Variants in PDE10A observed in about 807,000 individuals in gnomAD.
PDE10A encodes the protein phosphodiesterase 10A.
A neutral mutation model predicts 97.7 loss-of-function variants in PDE10A; 39 were observed. That is an observed-to-expected ratio of 0.40 (90% CI 0.31 to 0.52). The LOEUF (loss-of-function observed/expected upper bound fraction) is 0.52. Ranked by LOEUF, PDE10A falls within the 20% of genes least tolerant of loss-of-function variation. PDE10A has a pLI of 0.56. For synonymous variants in PDE10A, 371 were observed against 376.8 expected (o/e 0.98, Z 0.18); for missense variants, 731 against 1,047.8 (o/e 0.70, Z 4.17).
intron 18 of PDE10A, among the ~76,000 whole-genome samples, chr6:165,347,711 T>G (rs1462874056): frequency 6.6e-6 from 1 of 152,182 alleles, no homozygotes; most frequent in African/African-American, 2.4e-5. Context: ...TCCCCACATT[T>G]CAGGTTCTTC....
chr6:165,787,461 T>C (rs1444518059), intron 1 of PDE10A, among the ~76,000 whole-genome samples: 3 of 152,144 alleles, frequency 2.0e-5, no homozygotes, highest in Non-Finnish European at 4.4e-5. Context: ...ATGGAAGGGA[T>C]GGATAAGCAA....
chr6:165,907,069 G>A lies in PDE10A; in HGVS notation c.-615+80460C>T, dbSNP rs377325617. Among the ~76,000 whole-genome samples the A allele has an allele frequency of 3.3e-5, 5 of 150,828 alleles. No homozygotes were observed. The South Asian group carries it at 1.0e-3, about 31-fold the overall frequency. On this transcript the variant is annotated intron_variant, in intron 1 of 19. Transcript: ENST00000366882. ...AATCACAGAGCAGGGCCTTGTGTTAGGAGGACTCCTCTGCATATTTTCAAC... is the reference window on the plus strand; with the variant it reads ...AATCACAGAGCAGGGCCTTGTGTTAAGAGGACTCCTCTGCATATTTTCAAC...
intron 1 of PDE10A, among the ~76,000 whole-genome samples, chr6:165,958,583 CA>C (rs1166311399): frequency 1.7e-3 from 7 of 4,040 alleles, no homozygotes; most frequent in African/African-American, 4.3e-3. Context: ...GAAAGAAAGA[CA>C]GAAAGAGAGA....
chr6:165,714,576 C>G (rs1043118882), intron 1 of PDE10A, among the ~76,000 whole-genome samples: 2 of 152,206 alleles, frequency 1.3e-5, no homozygotes, highest in Non-Finnish European at 2.9e-5. Flanking sequence ...GAGGGGATCC[C>G]CCTACTCGAA....
At position 165,687,627 on chromosome 6, in the gene PDE10A, T is replaced by G. The variant is rs142783600; in HGVS notation, c.-614-144059A>C. ...ACAAGCACACAATACGAAGACCAAC[T>G]AACATTTGTATAACGTGCCAAGCCT... On this transcript the variant is annotated intron_variant, in intron 1 of 19. Coordinates refer to the PDE10A transcript ENST00000366882. Among the ~76,000 whole-genome samples the G allele has an allele frequency of 4.7e-3, 715 of 152,320 alleles. 6 individuals are homozygous for G. Among genetic ancestry groups the G allele is most frequent in the Non-Finnish European group, 7.8e-3 (531 of 68,038 alleles).
At chr6:165,445,762 A>G (rs761150964) in intron 5 of PDE10A, among the ~76,000 whole-genome samples, 1 of 152,146 alleles carries the variant, frequency 6.6e-6, no homozygotes, top group Non-Finnish European at 1.5e-5. Flanking sequence ...ATGGTTTTGG[A>G]TTGGTAGTAC....
intron 1 of PDE10A, among the ~76,000 whole-genome samples, chr6:165,650,664 G>A (rs9365900): frequency 0.12 from 18,983 of 152,092 alleles, 1,573 homozygotes; most frequent in East Asian, 0.3. Context: ...ACAATACTAC[G>A]CCATATTCAT....
intron 20 of PDE10A, among the ~76,000 whole-genome samples, chr6:165,337,500 C>T (rs531400160): frequency 1.3e-5 from 2 of 152,316 alleles, no homozygotes; most frequent in Admixed American, 1.3e-4. Context: ...AACTTTATGG[C>T]TCATGCAGAG....
At chr6:165,350,300 A>G (rs1782610808) in intron 18 of PDE10A, among the ~76,000 whole-genome samples, 1 of 152,126 alleles carries the variant, frequency 6.6e-6, no homozygotes, top group Non-Finnish European at 1.5e-5. Context: ...GAAGTATATC[A>G]TTTTGGAACT....
intron 2 of PDE10A, among the ~76,000 whole-genome samples, chr6:165,512,494 T>C (rs1781561775): frequency 6.6e-6 from 1 of 152,150 alleles, no homozygotes; most frequent in African/African-American, 2.4e-5. Flanking sequence ...TCCTTGCCTG[T>C]TACCTTGGTC....
rs1306900677 is a variant in PDE10A at position 165,943,313 on chromosome 6, AGG to A, written c.-615+44214_-615+44215del. On this transcript the variant is annotated intron_variant, in intron 1 of 19. Coordinates refer to the PDE10A transcript ENST00000366882. ...AAAGAAGGAAAGAAAGAAAGAAGGA[AGG>A]AAGGAAAGAAAGAAAAAGAAAGAAA... is the stretch of plus-strand genomic sequence containing the variant. Among the ~76,000 whole-genome samples, 508 of 126,438 alleles carry A rather than the reference AGG, an allele frequency of 4.0e-3. 26 individuals carry two copies. Among genetic ancestry groups the A allele is most frequent in the Middle Eastern group, 7.9e-3 (2 of 252 alleles). 82.9% of individuals were successfully genotyped at this position (126,438 alleles called of 152,430 possible). A position where few individuals can be genotyped will look rare whatever the true frequency, so the allele number is the denominator to read the frequency against.
rs530811839 is a variant in PDE10A at position 165,414,256 on chromosome 6, G to A, written c.1890-569C>T. Among the ~76,000 whole-genome samples the A allele has an allele frequency of 7.2e-5, 11 of 152,306 alleles. No homozygotes were observed. In the East Asian group the frequency reaches 2.1e-3, roughly 29 times the overall value. On this transcript the variant is annotated intron_variant, in intron 12 of 21. Transcript: ENST00000539869. ...TGCCATCACCCCACAAGGCTGAGCT[G>A]TGGACTTGTGACAAGGACATTAGTG...
At chr6:165,736,742 C>T (rs762771765) in intron 1 of PDE10A, among the ~76,000 whole-genome samples, 4 of 152,142 alleles carry the variant, frequency 2.6e-5, no homozygotes, top group Non-Finnish European at 5.9e-5. Flanking sequence ...TCACTTCACA[C>T]TTCAAGGAAC....
At chr6:165,952,591 G>A (rs988873868) in intron 1 of PDE10A, among the ~76,000 whole-genome samples, 1 of 152,172 alleles carries the variant, frequency 6.6e-6, no homozygotes. Context: ...TTAAGAAATG[G>A]AGAAAACTCA....
At chr6:165,755,705 G>C (rs1022773073) in intron 1 of PDE10A, among the ~76,000 whole-genome samples, 3 of 152,010 alleles carry the variant, frequency 2.0e-5, no homozygotes, top group African/African-American at 7.2e-5. Flanking sequence ...GGAAAGAGGG[G>C]GCAGCTGATT....
intron 1 of PDE10A, among the ~76,000 whole-genome samples, chr6:165,770,211 TC>T (rs1223264083): frequency 6.7e-6 from 1 of 148,246 alleles, no homozygotes; most frequent in East Asian, 2.0e-4. Flanking sequence ...ACATATGAGT[TC>T]CATGAAGTTT....
chr6:165,912,806 G>A (rs1782499264), intron 1 of PDE10A, among the ~76,000 whole-genome samples: 1 of 152,164 alleles, frequency 6.6e-6, no homozygotes, highest in South Asian at 2.1e-4. Context: ...GTCACAGGAA[G>A]CGAACCCTCT....
chr6:165,361,339 A>AAATAATAT (rs1186660903), intron 18 of PDE10A, among the ~76,000 whole-genome samples: 71 of 152,344 alleles, frequency 4.7e-4, no homozygotes, highest in African/African-American at 1.6e-3. Context: ...AAAAGAATAA[A>AAATAATAT]AATAATATAA....
chr6:165,512,550 T>C (rs1172318939), intron 2 of PDE10A, among the ~76,000 whole-genome samples: 1 of 151,998 alleles, frequency 6.6e-6, no homozygotes, highest in African/African-American at 2.4e-5. Context: ...TTGCAAATAG[T>C]ATTCCATTAC....
Sources: allele counts gnomAD v4.1 joint callset (sites outside exome capture counted in the v4.1 genomes callset), GRCh38; gene constraint gnomAD v4.1.1; transcripts MANE v1.5; gene names NCBI Gene and HGNC (gene_info 2026-07-23, HGNC 2026-07-21).